The following TRPV4 variants were observed in gnomAD, a reference collection of about 807,000 sequenced individuals.
TRPV4 encodes the protein transient receptor potential cation channel subfamily V member 4.
Under a neutral mutation model 84.1 loss-of-function variants are expected in TRPV4, and 58 were observed. That is an observed-to-expected ratio of 0.69 (90% confidence interval 0.56 to 0.86). TRPV4 has a LOEUF of 0.86. Ranked by LOEUF, TRPV4 falls within the 40% of genes least tolerant of loss-of-function variation. The probability of loss-of-function intolerance (pLI) is 0.00; values close to 1 mark genes in which losing one functional copy is unlikely to be tolerated. For synonymous variants in TRPV4, 489 were observed against 500.9 expected, an observed-to-expected ratio of 0.98 and a Z score of 0.32; for missense variants, 879 against 1,181.1, an observed-to-expected ratio of 0.74 and a Z score of 3.75.
At position 109,783,310 on chromosome 12, in the gene TRPV4, A is replaced by AG; in HGVS notation, c.*310dup. On this transcript the variant is annotated 3_prime_UTR_variant, in exon 16 of 16. Transcript: ENST00000261740. This position sits in a 1 kb window ranked among gnomAD's most constrained non-coding sequence, Gnocchi z 4.6. ...GCCTCTGCCAGGTTCCAGCTGGGGCAGGGGTCACGTCGCTTCCTGAGAGCA... is the reference window on the plus strand; with the variant it reads ...GCCTCTGCCAGGTTCCAGCTGGGGCAGGGGGTCACGTCGCTTCCTGAGAGCA... 1 of 313,668 alleles carries AG rather than the reference A, an allele frequency of 3.2e-6. No individual in the cohort carries two copies. The highest frequency in any genetic ancestry group is 5.9e-6 in the Non-Finnish European group (1 of 169,748). 19.4% of individuals were successfully genotyped at this position (313,668 alleles called of 1,614,324 possible).
intron 5 of TRPV4, 112 bp from the exon 6 acceptor site, chr12:109,799,024 C>T: frequency 9.6e-7 from 1 of 1,036,414 alleles, no homozygotes; most frequent in Non-Finnish European, 1.4e-6. Flanking sequence ...ATGACGGAGA[C>T]AGCACCAGCA....
intron 3 of TRPV4, among the ~76,000 whole-genome samples, chr12:109,806,380 T>C (rs1350481223): frequency 9.4e-5 from 14 of 148,646 alleles, no homozygotes; most frequent in Non-Finnish European, 1.9e-4. Flanking sequence ...TTTTTTTGTA[T>C]TTTTAGTAGA....
intron 11 of TRPV4, 59 bp from the exon 12 acceptor site, chr12:109,792,488 C>T: frequency 6.3e-7 from 1 of 1,595,214 alleles, no homozygotes; most frequent in Admixed American, 1.7e-5. Flanking sequence ...CTCACTTTCC[C>T]CATTCCTCCA....
intron 7 of TRPV4, among the ~76,000 whole-genome samples, chr12:109,794,908 C>T (rs187691304): frequency 6.6e-5 from 10 of 152,292 alleles, no homozygotes; most frequent in African/African-American, 1.9e-4. Flanking sequence ...ATCCCAGCTA[C>T]TCCTAAGGCT....
Position 109,796,591 on chromosome 12 carries a change from G to C in TRPV4, c.1266C>G (p.Ser422=), listed in dbSNP as rs1479898285. The change falls in exon 7 of 16, where the codon TCC becomes TCG. Residue 422 remains serine, a synonymous_variant. Transcript: ENST00000261740. The surrounding 1 kb of genome is among the most constrained non-coding windows in gnomAD (Gnocchi z 4.2). ...GPVYSSLYDL[S]SLDTCGEEAS... ...CCTCTTCCCCACACGTGTCCAGGGA[G>C]GAGAGGTCATAAAGCGAGGAATACA... is the stretch of plus-strand genomic sequence containing the variant. 2 of 1,614,100 alleles carry C rather than the reference G, an allele frequency of 1.2e-6. No homozygotes were observed. The highest frequency in any genetic ancestry group is 3.3e-5 in the Admixed American group (2 of 60,010).
At chr12:109,810,621 C>T (rs1223139995) in intron 2 of TRPV4, among the ~76,000 whole-genome samples, 2 of 152,190 alleles carry the variant, frequency 1.3e-5, no homozygotes, top group Non-Finnish European at 2.9e-5. Context: ...TAGGGTAAGA[C>T]GTGCTCTCCT....
chr12:109,784,905 T>A (rs1194476147), intron 14 of TRPV4, among the ~76,000 whole-genome samples: 1 of 148,336 alleles, frequency 6.7e-6, no homozygotes, highest in Non-Finnish European at 1.5e-5. Flanking sequence ...ACACAAAAAA[T>A]TTGCCATCTT....
chr12:109,807,883 G>A (rs1456637392), intron 3 of TRPV4, among the ~76,000 whole-genome samples: 1 of 152,168 alleles, frequency 6.6e-6, no homozygotes, highest in Non-Finnish European at 1.5e-5. Flanking sequence ...GGAGCTCCAG[G>A]ACTCCAGCTG....
At chr12:109,827,207 G>T (rs1892275376) in intron 1 of TRPV4, among the ~76,000 whole-genome samples, 1 of 152,116 alleles carries the variant, frequency 6.6e-6, no homozygotes, top group African/African-American at 2.4e-5. Flanking sequence ...TGGCCTATAA[G>T]ACCAACACCT....
At chr12:109,784,022 C>T (rs1476659543) in intron 15 of TRPV4, among the ~76,000 whole-genome samples, 3 of 152,108 alleles carry the variant, frequency 2.0e-5, no homozygotes, top group East Asian at 1.9e-4. Context: ...TCTCCAGCTG[C>T]GTCTCGCGTG....
rs144535220 is a variant in TRPV4 at position 109,823,997 on chromosome 12, C to T, written c.-31-9170G>A. Among the ~76,000 whole-genome samples, 312 of 151,924 alleles carry T rather than the reference C, an allele frequency of 2.1e-3. 1 individual carries two copies. Among genetic ancestry groups the T allele is most frequent in the Middle Eastern group, 0.014 (4 of 294 alleles). On this transcript the variant is annotated intron_variant, in intron 1 of 15. Coordinates refer to ENST00000261740, the MANE Select transcript of TRPV4 (RefSeq NM_021625.5). ...TGTGACAGAGAGAGACAGGATCTTG[C>T]TCTGTCACCCAGGCTAGAGTATAAG...
chr12:109,804,000 G>A (rs1044562554), intron 3 of TRPV4, among the ~76,000 whole-genome samples: 12 of 152,086 alleles, frequency 7.9e-5, no homozygotes, highest in Non-Finnish European at 1.3e-4. Context: ...GGGGTGCAGC[G>A]TTCCCCAAAG....
intron 2 of TRPV4, among the ~76,000 whole-genome samples, chr12:109,813,376 C>A (rs1252920076): frequency 2.0e-5 from 3 of 151,992 alleles, no homozygotes; most frequent in African/African-American, 7.3e-5. Context: ...CATGCCATTG[C>A]ACTCCAGCCT....
At position 109,793,892 on chromosome 12, in the gene TRPV4, G is replaced by T; in HGVS notation, c.1584+38C>A. ...AAGAGGTGCAGGAAGAGAAGAGGAG[G>T]GCAGGCAGGGTGGGGGGCACGGGGG... is the stretch of plus-strand genomic sequence containing the variant. On this transcript the variant is annotated intron_variant, in intron 9 of 15. Transcript: ENST00000261740. This position sits in a 1 kb window ranked among gnomAD's most constrained non-coding sequence, Gnocchi z 4.0. The T allele has an allele frequency of 6.9e-7, 1 of 1,455,544 alleles. No individual in the cohort carries two copies. The highest frequency in any genetic ancestry group is 9.6e-7 in the Non-Finnish European group (1 of 1,046,958). The allele number at this position is 1,455,544 out of a possible 1,614,324, so 90.2% of individuals were successfully genotyped here.
chr12:109,798,817 G>T lies in TRPV4; in HGVS notation c.949C>A (p.Gln317Lys), dbSNP rs1376492018. ...NPHKKADMRR[Q>K]DSRGNTVLHA... Reference sequence around the variant, plus strand: ...AGCACTGTGTTGCCTCGCGAGTCCTGGCGCCGCATGTCCGCCTTCTTGTGG... The same window carrying T: ...AGCACTGTGTTGCCTCGCGAGTCCTTGCGCCGCATGTCCGCCTTCTTGTGG... Residue 317 changes from glutamine (Q) to lysine (K), a missense_variant, in exon 6 of 16, where the codon CAG becomes AAG. By Grantham distance (53) the Gln-to-Lys change is moderately conservative (BLOSUM62 1). Coordinates refer to ENST00000261740, the MANE Select transcript of TRPV4 (RefSeq NM_021625.5). This position sits in a 1 kb window ranked among gnomAD's most constrained non-coding sequence, Gnocchi z 5.0. 6 of 1,614,172 alleles carry T rather than the reference G, an allele frequency of 3.7e-6. No individual in the cohort carries two copies. The highest frequency in any genetic ancestry group is 5.1e-6 in the Non-Finnish European group (6 of 1,180,048).
intron 12 of TRPV4, 21 bp from the exon 13 acceptor site, chr12:109,788,737 C>T (rs1057025759): frequency 1.3e-5 from 21 of 1,613,486 alleles, no homozygotes; most frequent in Non-Finnish European, 1.8e-5. Flanking sequence ...ATAGGGGTGG[C>T]ACTCACTGAG....
In TRPV4 at chr12:109,796,727, CA is replaced by C. The variant is rs1890424620; in HGVS notation, c.1153-24del. ...GATCTGCACAGGGGGCCAGGAGGGT[CA>C]GGGGGCTCACACTGGAAAGACCCCC... On this transcript the variant is annotated intron_variant, in intron 6 of 15. Transcript: ENST00000261740. This position sits in a 1 kb window ranked among gnomAD's most constrained non-coding sequence, Gnocchi z 4.2. 2 of 1,596,850 alleles carry C rather than the reference CA, an allele frequency of 1.3e-6. No homozygotes were observed. Among genetic ancestry groups the C allele is most frequent in the African/African-American group, 1.3e-5 (1 of 74,788 alleles).
rs1207827816 is a variant in TRPV4, at chr12:109,796,749, C to A, written c.1153-45G>T. On this transcript the variant is annotated intron_variant, in intron 6 of 15. Transcript: ENST00000261740. The surrounding 1 kb of genome is among the most constrained non-coding windows in gnomAD (Gnocchi z 4.2). ...GGTCAGGGGGCTCACACTGGAAAGA[C>A]CCCCAGGGCTGGGCCCAGCTCAGCA... The A allele has an allele frequency of 6.3e-7, 1 of 1,576,112 alleles. No homozygotes were observed. The highest frequency in any genetic ancestry group is 8.6e-7 in the Non-Finnish European group (1 of 1,159,370).
rs185469618 is a variant in TRPV4 at position 109,822,935 on chromosome 12, G to A, written c.-31-8108C>T. Among the ~76,000 whole-genome samples the A allele has an allele frequency of 4.2e-4, 64 of 152,306 alleles. 1 individual carries two copies. The East Asian group carries it at 9.4e-3, about 22-fold the overall frequency. ...GTACTATTTATTAGTATCATTAGGG[G>A]AACAGATGAACAAAAGGACTGAGGA... is the stretch of plus-strand genomic sequence containing the variant. On this transcript the variant is annotated intron_variant, in intron 1 of 15. Transcript: ENST00000261740.
Sources: allele counts gnomAD v4.1 joint callset (sites outside exome capture counted in the v4.1 genomes callset), GRCh38; gene constraint gnomAD v4.1.1; non-coding constraint Gnocchi (gnomAD v3.1); transcripts MANE v1.5; gene names NCBI Gene and HGNC (gene_info 2026-07-23, HGNC 2026-07-21).